Variants in NR2C1 observed in about 807,000 individuals in gnomAD.
The protein encoded by NR2C1 is TR2 nuclear hormone receptor.
Under a neutral mutation model 74.8 loss-of-function variants are expected in NR2C1, and 33 were observed. The observed-to-expected ratio is 0.44, with a 90% confidence interval of 0.33 to 0.59. The LOEUF (loss-of-function observed/expected upper bound fraction) is 0.59, where lower values mean the gene tolerates loss of function less well. Ranked by LOEUF, NR2C1 falls within the 20% of genes least tolerant of loss-of-function variation. The pLI, the probability that NR2C1 is intolerant of heterozygous loss-of-function variation, is 0.02. For synonymous variants in NR2C1, 225 were observed against 240.6 expected (o/e 0.94, Z 0.60); for missense variants, 568 against 715.6 (o/e 0.79, Z 2.35).
intron 3 of NR2C1, among the ~76,000 whole-genome samples, chr12:95,060,589 A>C (rs535105322): frequency 3.9e-4 from 60 of 152,338 alleles, no homozygotes; most frequent in African/African-American, 1.4e-3. Flanking sequence ...CAGGCGGCAG[A>C]GGTTGCAGTG....
At chr12:95,067,515 T>A in intron 1 of NR2C1, 124 bp from the exon 2 acceptor site, 2 of 743,690 alleles carry the variant, frequency 2.7e-6, no homozygotes, top group Non-Finnish European at 4.3e-6. Flanking sequence ...GTGGGAGGGT[T>A]GGCTTTTTCT....
At chr12:95,053,847 C>T (rs1873430414) in intron 7 of NR2C1, among the ~76,000 whole-genome samples, 1 of 151,998 alleles carries the variant, frequency 6.6e-6, no homozygotes, top group African/African-American at 2.4e-5. Flanking sequence ...CCATGCCCAG[C>T]TAATTTTTTG....
intron 10 of NR2C1, among the ~76,000 whole-genome samples, chr12:95,037,375 T>G (rs556939618): frequency 5.8e-4 from 88 of 152,302 alleles, no homozygotes; most frequent in African/African-American, 1.9e-3. Flanking sequence ...TTGTAAAATA[T>G]TAGTAGTATT....
chr12:95,066,289 C>T (rs891836380), intron 2 of NR2C1, among the ~76,000 whole-genome samples: 4 of 152,162 alleles, frequency 2.6e-5, no homozygotes, highest in African/African-American at 7.2e-5. Context: ...ACTGCTTGAG[C>T]CCAGGAGCTC....
intron 10 of NR2C1, among the ~76,000 whole-genome samples, chr12:95,036,090 T>TCC (rs1870784487): frequency 6.6e-6 from 1 of 152,202 alleles, no homozygotes; most frequent in South Asian, 2.1e-4. Flanking sequence ...TAGAGACTCC[T>TCC]CCATTTAAGG....
chr12:95,025,266 A>G lies in NR2C1; in HGVS notation c.1532-11T>C, dbSNP rs755965616. 1.7e-5 allele frequency: 24 copies of G among 1,406,104 alleles called. No individual in the cohort carries two copies. Among genetic ancestry groups the G allele is most frequent in the South Asian group, 8.4e-5 (7 of 83,526 alleles). The allele number at this position is 1,406,104 out of a possible 1,614,324, so 87.1% of individuals were successfully genotyped here. On this transcript the variant is annotated splice_polypyrimidine_tract_variant and intron_variant, in intron 12 of 13. Coordinates refer to ENST00000333003, the MANE Select transcript of NR2C1 (RefSeq NM_003297.4). ...CTAGGCTTGGATGATCTGAAACATT[A>G]AAGAAAACATTGGTACCCTAGTTCT...
rs1874239028 is a variant in NR2C1, at chr12:95,058,500, A to C, written c.365-11T>G. ...CTCCATAATGACGTCCTAGAGAGAA[A>C]ATGTTTAAGAAAATATAAAAGTCAC... On this transcript the variant is annotated splice_polypyrimidine_tract_variant and intron_variant, in intron 4 of 13. Transcript: ENST00000333003. 7 of 1,596,262 alleles carry C rather than the reference A, an allele frequency of 4.4e-6. No homozygotes were observed. The highest frequency in any genetic ancestry group is 2.6e-6 in the Non-Finnish European group (3 of 1,172,230).
At chr12:95,069,442 ATAC>A (rs1876246627) in intron 1 of NR2C1, among the ~76,000 whole-genome samples, 1 of 152,212 alleles carries the variant, frequency 6.6e-6, no homozygotes, top group African/African-American at 2.4e-5. Context: ...ACTTACATAA[ATAC>A]TACTGTGTTA....
chr12:95,044,935 C>T (rs1221702596), intron 9 of NR2C1, among the ~76,000 whole-genome samples: 3 of 151,912 alleles, frequency 2.0e-5, no homozygotes, highest in African/African-American at 7.3e-5. Context: ...CACAGTGGCT[C>T]AGGCCTATAA....
chr12:95,068,944 C>G (rs1042936859), intron 1 of NR2C1, among the ~76,000 whole-genome samples: 1 of 151,514 alleles, frequency 6.6e-6, no homozygotes, highest in African/African-American at 2.4e-5. Context: ...GCCTGGGTGA[C>G]AGAGAGAGAC....
Position 95,067,263 on chromosome 12 carries a change from G to C in NR2C1, c.54+68C>G, listed in dbSNP as rs997953154. On this transcript the variant is annotated intron_variant, in intron 2 of 13. Coordinates refer to ENST00000333003, the MANE Select transcript of NR2C1 (RefSeq NM_003297.4). ...TTTTATTTCTGGAACTCCAGAACCT[G>C]GTATATGCATTTAGTAGGAATTAGA... The C allele has an allele frequency of 3.4e-6, 4 of 1,185,798 alleles. No homozygotes were observed. The African/African-American group carries it at 4.5e-5, about 13-fold the overall frequency. The allele number at this position is 1,185,798 out of a possible 1,614,324, so 73.5% of individuals were successfully genotyped here. A position where few individuals can be genotyped will look rare whatever the true frequency, so the allele number is the denominator to read the frequency against.
chr12:95,040,721 T>A, intron 9 of NR2C1, 124 bp from the exon 10 acceptor site: 1 of 883,350 alleles, frequency 1.1e-6, no homozygotes, highest in East Asian at 2.9e-5. Flanking sequence ...AAAAAGCTAA[T>A]CTTGAAATAA....
At chr12:95,024,969 C>T (rs765105171) in intron 13 of NR2C1, among the ~76,000 whole-genome samples, 181 bp downstream of exon 13, 1 of 152,126 alleles carries the variant, frequency 6.6e-6, no homozygotes, top group Non-Finnish European at 1.5e-5. Flanking sequence ...AATATAAGAA[C>T]TGGATGAAAT....
rs538817111 is a variant in NR2C1, at chr12:95,027,600, G to T, written c.1531+787C>A. On this transcript the variant is annotated intron_variant, in intron 12 of 13. Coordinates refer to ENST00000333003, the MANE Select transcript of NR2C1 (RefSeq NM_003297.4). ...AAAATACAAAAATGAACTGGGTGTG[G>T]TGGTACATGCCTGTAATCCCAGCTA... Among the ~76,000 whole-genome samples, 11 of 152,262 alleles carry T rather than the reference G, an allele frequency of 7.2e-5. 1 individual carries two copies. In the South Asian group the frequency reaches 2.3e-3, roughly 32 times the overall value.
At chr12:95,043,577 T>A (rs1391485657) in intron 9 of NR2C1, among the ~76,000 whole-genome samples, 1 of 150,202 alleles carries the variant, frequency 6.7e-6, no homozygotes, top group Non-Finnish European at 1.5e-5. Flanking sequence ...TAATCCCAGC[T>A]ACTCGGGAGG....
rs1382654873 is a variant in NR2C1, at chr12:95,062,454, TA to T, written c.285+53del. The T allele has an allele frequency of 7.9e-6, 10 of 1,270,246 alleles. No individual in the cohort carries two copies. The African/African-American group carries it at 1.1e-4, about 14-fold the overall frequency. 78.7% of individuals were successfully genotyped at this position (1,270,246 alleles called of 1,614,324 possible). On this transcript the variant is annotated intron_variant, in intron 3 of 13. Transcript: ENST00000333003. ...AAGTCTTCATGGCAGGGCTTATGAT[TA>T]AAATTTTTTTTTTATATATGTAAGA...
At chr12:95,060,113 AT>A in intron 3 of NR2C1, 129 bp from the exon 4 acceptor site, 2 of 743,474 alleles carry the variant, frequency 2.7e-6, no homozygotes, top group Non-Finnish European at 2.1e-6. Context: ...TTCACAAGTT[AT>A]TTTTAAACTT....
intron 10 of NR2C1, among the ~76,000 whole-genome samples, chr12:95,039,176 A>G (rs1871214526): frequency 6.6e-6 from 1 of 152,246 alleles, no homozygotes; most frequent in South Asian, 2.1e-4. Flanking sequence ...CTTTTAGTCT[A>G]TGTAACTATA....
At chr12:95,059,851 A>T in intron 4 of NR2C1, 55 bp downstream of exon 4, 1 of 1,243,128 alleles carries the variant, frequency 8.0e-7, no homozygotes, top group Non-Finnish European at 1.1e-6. Flanking sequence ...ACAACACGAC[A>T]CATATAGGAG....
Sources: allele counts gnomAD v4.1 joint callset (sites outside exome capture counted in the v4.1 genomes callset), GRCh38; gene constraint gnomAD v4.1.1; transcripts MANE v1.5; gene names NCBI Gene and HGNC (gene_info 2026-07-23, HGNC 2026-07-21).